VIT: variants seen among roughly 807,000 people sequenced by gnomAD.
VIT encodes vitrin.
A neutral mutation model predicts 78.0 loss-of-function variants in VIT; 99 were observed. The observed-to-expected ratio is 1.27, with a 90% CI of 1.08 to 1.50. VIT has a LOEUF of 1.50. Among genes scored for constraint, VIT ranks in the 40% most tolerant of loss-of-function variants. The probability of loss-of-function intolerance (pLI) is 0.00; values close to 1 mark genes in which losing one functional copy is unlikely to be tolerated. For missense variants in VIT, 1,126 were observed against 875.3 expected (o/e 1.29, Z -3.61); for synonymous variants, 374 against 334.3 (o/e 1.12, Z -1.29).
At chr2:36,809,476 G>A (rs959913754) in intron 15 of VIT, among the ~76,000 whole-genome samples, 1 of 152,018 alleles carries the variant, frequency 6.6e-6, no homozygotes, top group Non-Finnish European at 1.5e-5. Flanking sequence ...GTAGTGCAAC[G>A]GTGCCATCTC....
intron 1 of VIT, among the ~76,000 whole-genome samples, chr2:36,700,027 T>A (rs1391394933): frequency 6.6e-6 from 1 of 152,082 alleles, no homozygotes; most frequent in Non-Finnish European, 1.5e-5. Flanking sequence ...TAATTTTTTT[T>A]AATTATATGT....
intron 12 of VIT, among the ~76,000 whole-genome samples, chr2:36,794,305 C>G (rs1319847337): frequency 1.4e-5 from 2 of 145,570 alleles, no homozygotes; most frequent in African/African-American, 2.5e-5. Flanking sequence ...CTCTTATTTT[C>G]AAAGGAAATC....
At chr2:36,716,899 TAG>T (rs1156313622) in intron 2 of VIT, among the ~76,000 whole-genome samples, 1 of 121,038 alleles carries the variant, frequency 8.3e-6, no homozygotes, top group Non-Finnish European at 1.6e-5. Flanking sequence ...TTTTTTGAGA[TAG>T]AGTCTCACTC....
chr2:36,725,028 A>G (rs1322512079), intron 2 of VIT, among the ~76,000 whole-genome samples: 1 of 152,216 alleles, frequency 6.6e-6, no homozygotes. Flanking sequence ...AGAGGCTACT[A>G]TAAAAATTAG....
rs751712552 is a variant in VIT, at chr2:36,773,828, C to G, written c.717C>G (p.Asn239Lys). 6.2e-7 allele frequency: 1 copy of G among 1,605,174 alleles called. No homozygotes were observed. The change falls in exon 8 of 16, where the codon AAC (asparagine) becomes AAG (lysine). Residue 239 changes from asparagine (N) to lysine (K), a missense_variant. Asn to Lys is a moderately conservative substitution (Grantham distance 94). Coordinates refer to ENST00000379242, the MANE Select transcript of VIT (RefSeq NM_053276.4). ...CTGCCACCTACACAAGCAGCCAAAACAGGCCCAGAGCTGATCCAGGTAAGA... is the reference window on the plus strand; with the variant it reads ...CTGCCACCTACACAAGCAGCCAAAAGAGGCCCAGAGCTGATCCAGGTAAGA... ...WSTATYTSSQ[N>K]RPRADPGIQR...
intron 2 of VIT, among the ~76,000 whole-genome samples, chr2:36,717,863 G>C (rs553076786): frequency 6.6e-6 from 1 of 152,312 alleles, no homozygotes; most frequent in Admixed American, 6.5e-5. Context: ...CTGGAGACTA[G>C]AAGTCCAAAA....
intron 11 of VIT, among the ~76,000 whole-genome samples, chr2:36,786,545 A>G (rs1252138509): frequency 6.6e-6 from 1 of 152,230 alleles, no homozygotes; most frequent in African/African-American, 2.4e-5. Flanking sequence ...AAAGAAAAAA[A>G]ATCTCGGATA....
chr2:36,699,278 C>G (rs141882101), intron 1 of VIT, among the ~76,000 whole-genome samples: 2,058 of 89,966 alleles, frequency 0.023, 21 homozygotes, highest in Middle Eastern at 0.052. Flanking sequence ...AAGATAGTCT[C>G]TAAGCTTCCC....
chr2:36,803,826 C>T (rs949871574), intron 13 of VIT, among the ~76,000 whole-genome samples: 2 of 152,118 alleles, frequency 1.3e-5, no homozygotes, highest in African/African-American at 4.8e-5. Flanking sequence ...AGATTGAGGA[C>T]TCCTTTGAGA....
intron 3 of VIT, among the ~76,000 whole-genome samples, chr2:36,734,799 G>A (rs1667411376): frequency 6.6e-6 from 1 of 151,930 alleles, no homozygotes; most frequent in Admixed American, 6.6e-5. Flanking sequence ...GTGGGCTCCA[G>A]TGCCCCCCAT....
At chr2:36,813,656 AG>A (rs751703786) in intron 15 of VIT, among the ~76,000 whole-genome samples, 2 of 152,150 alleles carry the variant, frequency 1.3e-5, no homozygotes, top group Non-Finnish European at 2.9e-5. Flanking sequence ...TGGTTTGTAA[AG>A]TCACCCTCAA....
chr2:36,731,121 A>G (rs574770682), intron 3 of VIT, among the ~76,000 whole-genome samples: 1 of 152,094 alleles, frequency 6.6e-6, no homozygotes, highest in South Asian at 2.1e-4. Context: ...GGGCTTCACC[A>G]GGGACCCACC....
chr2:36,810,272 A>G (rs199556931), intron 15 of VIT, among the ~76,000 whole-genome samples: 1 of 152,260 alleles, frequency 6.6e-6, no homozygotes, highest in Non-Finnish European at 1.5e-5. Flanking sequence ...AGCCTGGGCA[A>G]CAAGAGCAAA....
chr2:36,718,618 T>G (rs903950631), intron 2 of VIT, among the ~76,000 whole-genome samples: 1 of 152,144 alleles, frequency 6.6e-6, no homozygotes, highest in Non-Finnish European at 1.5e-5. Flanking sequence ...GGATAGGTCC[T>G]CAAGGATAGC....
At chr2:36,713,122 G>A (rs1186700442) in intron 1 of VIT, among the ~76,000 whole-genome samples, 2 of 152,208 alleles carry the variant, frequency 1.3e-5, no homozygotes, top group African/African-American at 2.4e-5. Flanking sequence ...GTAGGAAAGG[G>A]ATAGGGTATA....
intron 5 of VIT, among the ~76,000 whole-genome samples, chr2:36,755,590 G>A (rs972175609): frequency 4.6e-5 from 7 of 152,302 alleles, no homozygotes; most frequent in East Asian, 1.9e-4. Context: ...AGCATCTGTA[G>A]GGTAATGCTT....
intron 9 of VIT, among the ~76,000 whole-genome samples, chr2:36,778,319 C>T (rs1223748090): frequency 1.3e-5 from 2 of 152,186 alleles, no homozygotes; most frequent in East Asian, 3.8e-4. Context: ...AGCCTTTACC[C>T]CTCCTACCAC....
At chr2:36,767,365 TCTA>T (rs1461395845) in intron 7 of VIT, 80 bp downstream of exon 7, 1 of 1,354,762 alleles carries the variant, frequency 7.4e-7, no homozygotes, top group Non-Finnish European at 9.6e-7. Context: ...TGTCTGAGCA[TCTA>T]CTGGGCTGGG....
At chr2:36,701,716 C>A (rs74633129) in intron 1 of VIT, among the ~76,000 whole-genome samples, 6,168 of 152,294 alleles carry the variant, frequency 0.041, 191 homozygotes, top group Middle Eastern at 0.14. Flanking sequence ...TTCCCTTCAC[C>A]AGGCTTCTTT....
Sources: allele counts gnomAD v4.1 joint callset (sites outside exome capture counted in the v4.1 genomes callset), GRCh38; gene constraint gnomAD v4.1.1; transcripts MANE v1.5; gene names NCBI Gene and HGNC (gene_info 2026-07-23, HGNC 2026-07-21).